The following LHFPL6 variants were observed in gnomAD, a reference collection of about 807,000 sequenced individuals.
The protein encoded by LHFPL6 is LHFPL tetraspan subfamily member 6, also known as LHFPL tetraspan subfamily member 6 protein.
In LHFPL6, 9 loss-of-function variants were observed where a neutral mutation model predicts 20.6. The ratio of observed to expected loss-of-function variants is 0.44; its 90% confidence interval spans 0.26 to 0.76. The LOEUF (loss-of-function observed/expected upper bound fraction) is 0.76. Among genes scored for constraint, LHFPL6 ranks in the 30% least tolerant of loss-of-function variants. The pLI, the probability that LHFPL6 is intolerant of heterozygous loss-of-function variation, is 0.20. For missense variants in LHFPL6, 218 were observed against 253.5 expected, an observed-to-expected ratio of 0.86 and a Z score of 0.95; for synonymous variants, 105 against 98.7, an observed-to-expected ratio of 1.06 and a Z score of -0.38.
intron 2 of LHFPL6, among the ~76,000 whole-genome samples, chr13:39,409,369 G>A (rs551304287): frequency 6.6e-6 from 1 of 152,010 alleles, no homozygotes; most frequent in African/African-American, 2.4e-5. Flanking sequence ...CAGGAGAATC[G>A]CTTGAACCTG....
At chr13:39,536,144 C>T (rs1870611397) in intron 2 of LHFPL6, among the ~76,000 whole-genome samples, 1 of 152,106 alleles carries the variant, frequency 6.6e-6, no homozygotes, top group Non-Finnish European at 1.5e-5. Flanking sequence ...CTTTCAGTAT[C>T]AAAATATTTT....
intron 2 of LHFPL6, among the ~76,000 whole-genome samples, chr13:39,392,131 GT>G (rs1363463847): frequency 6.6e-6 from 1 of 152,034 alleles, no homozygotes; most frequent in Non-Finnish European, 1.5e-5. Flanking sequence ...TGTCTTTAGT[GT>G]TTTTTAATAT....
intron 2 of LHFPL6, among the ~76,000 whole-genome samples, chr13:39,453,432 C>G (rs148623977): frequency 6.6e-6 from 1 of 152,102 alleles, no homozygotes; most frequent in Non-Finnish European, 1.5e-5. Context: ...TCATGCAGTA[C>G]CTTTTGCCTA....
At chr13:39,409,870 T>C (rs1309485329) in intron 2 of LHFPL6, among the ~76,000 whole-genome samples, 1 of 152,218 alleles carries the variant, frequency 6.6e-6, no homozygotes, top group Non-Finnish European at 1.5e-5. Flanking sequence ...CTCAGTCATC[T>C]AGAAAAAGAA....
chr13:39,439,957 A>G (rs1279738336), intron 2 of LHFPL6, among the ~76,000 whole-genome samples: 1 of 152,242 alleles, frequency 6.6e-6, no homozygotes. Flanking sequence ...GCAGTGTGAA[A>G]GTGAACTAAT....
At chr13:39,410,921 C>T (rs538677432) in intron 2 of LHFPL6, among the ~76,000 whole-genome samples, 7 of 152,258 alleles carry the variant, frequency 4.6e-5, no homozygotes, top group African/African-American at 1.7e-4. Context: ...GGCTTACGGA[C>T]AACATTCCAT....
At chr13:39,451,967 A>G (rs2138421740) in intron 2 of LHFPL6, among the ~76,000 whole-genome samples, 1 of 152,314 alleles carries the variant, frequency 6.6e-6, no homozygotes, top group East Asian at 1.9e-4. Flanking sequence ...CGTGCATAAG[A>G]CAAGCTTAAA....
intron 2 of LHFPL6, among the ~76,000 whole-genome samples, chr13:39,488,048 T>C (rs1868784857): frequency 6.6e-6 from 1 of 152,164 alleles, no homozygotes; most frequent in African/African-American, 2.4e-5. Flanking sequence ...AATAAGATGG[T>C]ATTAAGAAGT....
chr13:39,542,845 TATGTGGCAAA>T (rs1870854971), intron 2 of LHFPL6, among the ~76,000 whole-genome samples: 1 of 152,234 alleles, frequency 6.6e-6, no homozygotes, highest in African/African-American at 2.4e-5. Context: ...TTTTTGTGTG[TATGTGGCAAA>T]ATATACGTAA....
At chr13:39,424,506 T>G (rs1251514373) in intron 2 of LHFPL6, among the ~76,000 whole-genome samples, 1 of 152,170 alleles carries the variant, frequency 6.6e-6, no homozygotes, top group Non-Finnish European at 1.5e-5. Context: ...ACATCCCTAT[T>G]GTGTGAATGT....
chr13:39,352,133 T>C (rs2138337408), intron 3 of LHFPL6, among the ~76,000 whole-genome samples: 1 of 152,350 alleles, frequency 6.6e-6, no homozygotes, highest in Non-Finnish European at 1.5e-5. Context: ...CCTTTGGCAA[T>C]GCATCTTCTT....
At chr13:39,439,838 G>A (rs1285700313) in intron 2 of LHFPL6, among the ~76,000 whole-genome samples, 1 of 152,110 alleles carries the variant, frequency 6.6e-6, no homozygotes, top group Non-Finnish European at 1.5e-5. Flanking sequence ...AGCTCCCTGA[G>A]GCCTCTGCAG....
rs1432492941 is a variant in LHFPL6 at position 39,562,461 on chromosome 13, TATAC to T, written c.385+38367_385+38370del. 2.7e-4 allele frequency among the ~76,000 whole-genome samples: 34 copies of T among 126,206 alleles called. 5 individuals carry two copies. Among genetic ancestry groups the T allele is most frequent in the Non-Finnish European group, 4.0e-4 (23 of 57,230 alleles). 82.8% of individuals were successfully genotyped at this position (126,206 alleles called of 152,430 possible). ...ATACATATATACACATATATACATA[TATAC>T]ACATATACACATATACATATATACA... On this transcript the variant is annotated intron_variant, in intron 2 of 3. Transcript: ENST00000379589.
intron 3 of LHFPL6, among the ~76,000 whole-genome samples, chr13:39,357,423 C>T (rs1375971247): frequency 1.3e-5 from 2 of 152,200 alleles, no homozygotes; most frequent in Non-Finnish European, 2.9e-5. Flanking sequence ...AAGCATTCCC[C>T]TTGAGAACTG....
chr13:39,358,679 TAAAC>T (rs1869791483), intron 3 of LHFPL6, among the ~76,000 whole-genome samples: 1 of 152,050 alleles, frequency 6.6e-6, no homozygotes, highest in South Asian at 2.1e-4. Context: ...GTAAGAAACT[TAAAC>T]AATTCAACAA....
intron 2 of LHFPL6, among the ~76,000 whole-genome samples, chr13:39,397,239 CAAG>C (rs1174827199): frequency 1.3e-5 from 2 of 152,132 alleles, no homozygotes; most frequent in East Asian, 3.8e-4. Flanking sequence ...AAAATGGCCC[CAAG>C]AAGAGACATA....
At chr13:39,392,016 T>C (rs921204522) in intron 2 of LHFPL6, among the ~76,000 whole-genome samples, 1 of 152,248 alleles carries the variant, frequency 6.6e-6, no homozygotes, top group African/African-American at 2.4e-5. Flanking sequence ...CTTTTCCATC[T>C]GTGATGTACT....
chr13:39,495,309 C>T (rs1027343785), intron 2 of LHFPL6, among the ~76,000 whole-genome samples: 2 of 152,094 alleles, frequency 1.3e-5, no homozygotes, highest in African/African-American at 2.4e-5. Flanking sequence ...GCTATATTTG[C>T]CATTTATAGC....
intron 2 of LHFPL6, among the ~76,000 whole-genome samples, chr13:39,541,269 G>T (rs1017129770): frequency 6.6e-6 from 1 of 152,184 alleles, no homozygotes; most frequent in Non-Finnish European, 1.5e-5. Flanking sequence ...TTGCTTTAAA[G>T]ACATAGTTTG....
Sources: gnomAD v4.1 joint callset for allele counts (sites outside exome capture counted in the v4.1 genomes callset) on GRCh38, gnomAD v4.1.1 for gene constraint, MANE v1.5 for transcripts, NCBI Gene and HGNC (gene_info 2026-07-23, HGNC 2026-07-21) for gene names.